CCDC144A: variants seen among roughly 807,000 people sequenced by gnomAD.
The protein encoded by CCDC144A is coiled-coil domain-containing protein 144A.
Under a neutral mutation model 143.8 loss-of-function variants are expected in CCDC144A, and 41 were observed. That is an observed-to-expected ratio of 0.29 (90% CI 0.22 to 0.37). The LOEUF (loss-of-function observed/expected upper bound fraction) is 0.37, where lower values mean the gene tolerates loss of function less well. CCDC144A is among the 10% of genes least tolerant of loss of function. CCDC144A has a pLI of 1.00. For missense variants in CCDC144A, 637 were observed against 1,488.8 expected (o/e 0.43, Z 9.41); for synonymous variants, 242 against 517.9 (o/e 0.47, Z 7.23).
chr17:16,688,919 G>A (rs1404230956), upstream of CCDC144A, among the ~76,000 whole-genome samples: 1 of 152,138 alleles, frequency 6.6e-6, no homozygotes, highest in Admixed American at 6.5e-5. Context: ...TTGAGACTGA[G>A]CTCCCATCTC....
intron 12 of CCDC144A, among the ~76,000 whole-genome samples, chr17:16,736,365 G>A (rs1211401120): frequency 1.3e-5 from 2 of 151,760 alleles, no homozygotes; most frequent in Admixed American, 1.3e-4. Context: ...GCCCGCCTTG[G>A]CCTCCCAAAG....
At chr17:16,771,113 A>G (rs1266213980) in intron 15 of CCDC144A, among the ~76,000 whole-genome samples, 18 of 152,258 alleles carry the variant, frequency 1.2e-4, no homozygotes, top group Admixed American at 1.0e-3. Context: ...ATTCTAAAAA[A>G]AAATTAAATA....
At chr17:16,750,907 C>T (rs988287895) in intron 12 of CCDC144A, among the ~76,000 whole-genome samples, 2 of 152,070 alleles carry the variant, frequency 1.3e-5, no homozygotes, top group East Asian at 1.9e-4. Flanking sequence ...ATGGCTCTGT[C>T]GTGTTTCAAC....
the CCDC144A span, among the ~76,000 whole-genome samples, chr17:16,682,990 C>T: frequency 1.6e-3 from 234 of 143,226 alleles, no homozygotes; most frequent in African/African-American, 5.7e-3. Context: ...CAACCTCTGC[C>T]TCCTGAGTTC....
intron 12 of CCDC144A, among the ~76,000 whole-genome samples, chr17:16,756,847 T>C (rs1915111626): frequency 6.6e-6 from 1 of 152,016 alleles, no homozygotes; most frequent in South Asian, 2.1e-4. Flanking sequence ...GGTGGGTGCA[T>C]TGGTGTGGCC....
upstream of CCDC144A, among the ~76,000 whole-genome samples, chr17:16,686,082 GT>G (rs1194028272): frequency 4.7e-5 from 6 of 128,544 alleles, no homozygotes; most frequent in Admixed American, 2.5e-4. Context: ...GAGCCCGGCT[GT>G]TTTTTTTGTT....
chr17:16,675,971 A>G, the CCDC144A span, among the ~76,000 whole-genome samples: 9 of 151,410 alleles, frequency 5.9e-5, no homozygotes, highest in African/African-American at 2.2e-4. Flanking sequence ...GATGGTCTTG[A>G]TCTCCTCACC....
Position 16,720,607 on chromosome 17 carries a change from G to C in CCDC144A, c.1840G>C (p.Val614Leu), listed in dbSNP as rs1480638141. ...AGAGGATTGTGAATTGTCTCACTCTGTTTATGAGAATTTTATGTTGCTGAT... is the reference window on the plus strand; with the variant it reads ...AGAGGATTGTGAATTGTCTCACTCTCTTTATGAGAATTTTATGTTGCTGAT... ...ASEDCELSHSVYENFMLLIEQ... is the reference protein window; with the variant it reads ...ASEDCELSHSLYENFMLLIEQ... Residue 614 changes from valine to leucine, a missense_variant, in exon 8 of 17, where the codon GTT (valine) becomes CTT (leucine). Val to Leu is a conservative substitution (Grantham distance 32). Coordinates refer to ENST00000399273, the MANE Select transcript of CCDC144A (RefSeq NM_001382000.1). The C allele has an allele frequency of 6.2e-7, 1 of 1,604,038 alleles. No homozygotes were observed. Among genetic ancestry groups the C allele is most frequent in the Non-Finnish European group, 8.5e-7 (1 of 1,175,486 alleles).
intron 9 of CCDC144A, among the ~76,000 whole-genome samples, chr17:16,728,225 C>T (rs540271202): frequency 1.4e-4 from 22 of 152,218 alleles, no homozygotes; most frequent in Non-Finnish European, 2.2e-4. Context: ...TTTGTAGAGA[C>T]GGGGTATCAC....
At chr17:16,719,900 A>T (rs1912989368) in intron 6 of CCDC144A, among the ~76,000 whole-genome samples, 1 of 152,212 alleles carries the variant, frequency 6.6e-6, no homozygotes, top group Admixed American at 6.5e-5. Flanking sequence ...AATGCAGGTA[A>T]CATGTTTTTT....
the CCDC144A span, among the ~76,000 whole-genome samples, chr17:16,675,947 A>G: frequency 6.6e-6 from 1 of 151,126 alleles, no homozygotes; most frequent in African/African-American, 2.4e-5. Context: ...ACGGGGTTTC[A>G]CCGTGATAGC....
chr17:16,763,168 C>T (rs1455399258), intron 14 of CCDC144A, among the ~76,000 whole-genome samples: 1 of 151,160 alleles, frequency 6.6e-6, no homozygotes, highest in East Asian at 1.9e-4. Context: ...AAAATAACAC[C>T]TTGGTCAGCC....
At chr17:16,716,003 C>T (rs1912730583) in intron 6 of CCDC144A, among the ~76,000 whole-genome samples, 1 of 152,202 alleles carries the variant, frequency 6.6e-6, no homozygotes, top group Non-Finnish European at 1.5e-5. Flanking sequence ...TTGCTTGTTA[C>T]AAATGTAGCT....
At chr17:16,682,776 A>G in the CCDC144A span, among the ~76,000 whole-genome samples, 1 of 151,732 alleles carries the variant, frequency 6.6e-6, no homozygotes, top group African/African-American at 2.4e-5. Flanking sequence ...TAATTTAACA[A>G]TATGACTATC....
chr17:16,713,863 C>G (rs1295824611), intron 6 of CCDC144A, among the ~76,000 whole-genome samples: 2 of 152,104 alleles, frequency 1.3e-5, no homozygotes, highest in African/African-American at 4.8e-5. Flanking sequence ...GTATGCTGGC[C>G]TTGAAAGAGT....
At chr17:16,731,062 T>C (rs1343066574) in intron 9 of CCDC144A, among the ~76,000 whole-genome samples, 3 of 151,798 alleles carry the variant, frequency 2.0e-5, no homozygotes, top group Non-Finnish European at 4.4e-5. Context: ...TTATTCCATA[T>C]CTCTCATATG....
intron 12 of CCDC144A, among the ~76,000 whole-genome samples, chr17:16,756,723 G>T (rs1196992158): frequency 1.3e-5 from 2 of 151,606 alleles, no homozygotes; most frequent in Non-Finnish European, 2.9e-5. Context: ...TGTCCTTAAT[G>T]TTGATAACTG....
chr17:16,687,423 A>G (rs1183474405), upstream of CCDC144A, among the ~76,000 whole-genome samples: 1 of 151,940 alleles, frequency 6.6e-6, no homozygotes, highest in Non-Finnish European at 1.5e-5. Flanking sequence ...TTTCAAAAAC[A>G]ATATTAGTCT....
intron 2 of CCDC144A, among the ~76,000 whole-genome samples, chr17:16,704,329 G>C (rs1982671): frequency 0.28 from 43,181 of 151,798 alleles, 7,120 homozygotes; most frequent in African/African-American, 0.46. Context: ...GTGGCAGGCG[G>C]CTGTAGCCCC....
Sources: allele counts gnomAD v4.1 joint callset (sites outside exome capture counted in the v4.1 genomes callset), GRCh38; gene constraint gnomAD v4.1.1; transcripts MANE v1.5; gene names NCBI Gene and HGNC (gene_info 2026-07-23, HGNC 2026-07-21).